Variants in TRIM33 observed in about 807,000 individuals in gnomAD.
TRIM33 encodes E3 ubiquitin-protein ligase TRIM33.
A neutral mutation model predicts 125.4 loss-of-function variants in TRIM33; 20 were observed. The observed-to-expected ratio is 0.16, with a 90% CI of 0.11 to 0.23. The LOEUF (loss-of-function observed/expected upper bound fraction) is 0.23, where lower values mean the gene tolerates loss of function less well. Ranked by LOEUF, TRIM33 falls within the 10% of genes least tolerant of loss-of-function variation. The pLI is 1.00. For synonymous variants in TRIM33, 564 were observed against 513.9 expected (o/e 1.10, Z -1.32); for missense variants, 920 against 1,411.4 (o/e 0.65, Z 5.58).
intron 4 of TRIM33, among the ~76,000 whole-genome samples, chr1:114,439,468 CAAAAAAA>C (rs59231995): frequency 4.1e-4 from 19 of 45,970 alleles, no homozygotes; most frequent in Admixed American, 2.3e-3. Context: ...GACTCTGTAT[CAAAAAAA>C]AAAAAAAAAA....
chr1:114,478,909 G>A (rs1013742065), intron 1 of TRIM33, among the ~76,000 whole-genome samples: 4 of 152,082 alleles, frequency 2.6e-5, no homozygotes, highest in Non-Finnish European at 1.5e-5. Context: ...TTAGCCAGGC[G>A]TGGTTGTGGG....
chr1:114,493,614 T>C (rs1652198701), intron 1 of TRIM33, among the ~76,000 whole-genome samples: 2 of 152,142 alleles, frequency 1.3e-5, no homozygotes, highest in African/African-American at 2.4e-5. Flanking sequence ...AACTTTTGCA[T>C]ATGGTGTGAA....
chr1:114,491,950 C>T (rs778858050), intron 1 of TRIM33, among the ~76,000 whole-genome samples: 45 of 152,284 alleles, frequency 3.0e-4, no homozygotes, highest in Non-Finnish European at 4.9e-4. Context: ...AGCAACACTA[C>T]GGGGCACTTC....
intron 1 of TRIM33, among the ~76,000 whole-genome samples, chr1:114,506,885 ATCACAGGGCACC>A (rs1217391087): frequency 1.3e-4 from 20 of 152,342 alleles, no homozygotes; most frequent in Non-Finnish European, 2.4e-4. Flanking sequence ...CAGCATCAAA[ATCACAGGGCACC>A]TGTTAAAAAT....
chr1:114,498,871 T>G (rs1281258781), intron 1 of TRIM33, among the ~76,000 whole-genome samples: 1 of 151,880 alleles, frequency 6.6e-6, no homozygotes, highest in Non-Finnish European at 1.5e-5. Context: ...TAAATGAAGA[T>G]TACAAGACTA....
At chr1:114,425,881 G>C (rs1160393672) in intron 8 of TRIM33, among the ~76,000 whole-genome samples, 158 bp from the exon 9 acceptor site, 1 of 152,194 alleles carries the variant, frequency 6.6e-6, no homozygotes, top group African/African-American at 2.4e-5. Flanking sequence ...TGATGATGAT[G>C]ATCAGAAACT....
chr1:114,468,359 A>G (rs1650432008), intron 1 of TRIM33: 1 of 302,806 alleles, frequency 3.3e-6, no homozygotes, highest in Non-Finnish European at 6.4e-6. Context: ...ATGACCAAGA[A>G]GTAAAATCAG....
intron 11 of TRIM33, among the ~76,000 whole-genome samples, chr1:114,410,693 T>A (rs1157702157): frequency 6.6e-6 from 1 of 152,080 alleles, no homozygotes; most frequent in Non-Finnish European, 1.5e-5. Context: ...AGAAATGTAA[T>A]TATGTTAGTA....
At chr1:114,505,151 T>C (rs923122412) in intron 1 of TRIM33, among the ~76,000 whole-genome samples, 28 of 152,286 alleles carry the variant, frequency 1.8e-4, no homozygotes, top group African/African-American at 6.5e-4. Context: ...TAGTAAATGG[T>C]AGAGCTCAAA....
intron 11 of TRIM33, among the ~76,000 whole-genome samples, chr1:114,418,110 G>GGGA (rs1247686818): frequency 1.3e-5 from 2 of 152,180 alleles, no homozygotes; most frequent in African/African-American, 4.8e-5. Context: ...TGCATGGCTG[G>GGGA]GGAGGCCCCA....
chr1:114,449,436 C>T (rs1185573081), intron 4 of TRIM33, among the ~76,000 whole-genome samples: 2 of 152,126 alleles, frequency 1.3e-5, no homozygotes, highest in African/African-American at 4.8e-5. Flanking sequence ...GAGTGTGGCA[C>T]TTGTGGCACT....
intron 4 of TRIM33, among the ~76,000 whole-genome samples, chr1:114,441,473 G>A (rs1367596359): frequency 6.6e-6 from 1 of 152,186 alleles, no homozygotes; most frequent in Non-Finnish European, 1.5e-5. Flanking sequence ...ATGTGATAGA[G>A]AGGACGTTAA....
chr1:114,427,933 G>GA (rs768531453), intron 6 of TRIM33, 39 bp from the exon 7 acceptor site: 12 of 1,597,608 alleles, frequency 7.5e-6, no homozygotes, highest in Middle Eastern at 1.7e-4. Context: ...AATTCCATAT[G>GA]AAAAAAAATC....
At chr1:114,445,753 T>C (rs1648935021) in intron 4 of TRIM33, among the ~76,000 whole-genome samples, 1 of 152,124 alleles carries the variant, frequency 6.6e-6, no homozygotes, top group Admixed American at 6.5e-5. Context: ...TCCAAAACAA[T>C]GGAAGCCAGA....
intron 16 of TRIM33, 102 bp from the exon 17 acceptor site, chr1:114,401,565 C>CTT: frequency 1.1e-6 from 1 of 891,864 alleles, no homozygotes; most frequent in Non-Finnish European, 1.7e-6. Context: ...TTACAACAAA[C>CTT]TGAACACAAG....
chr1:114,426,739 A>G (rs956069408), intron 8 of TRIM33, among the ~76,000 whole-genome samples: 5 of 152,164 alleles, frequency 3.3e-5, no homozygotes, highest in African/African-American at 9.7e-5. Flanking sequence ...CCATGTGAAA[A>G]GAGCTACTCT....
intron 14 of TRIM33, 140 bp downstream of exon 14, chr1:114,406,801 G>C (rs1652272414): frequency 2.6e-6 from 2 of 761,808 alleles, no homozygotes; most frequent in Non-Finnish European, 4.0e-6. Context: ...GTTAGAAAAA[G>C]AGATATCTGG....
chr1:114,472,595 T>C (rs1468424423), intron 1 of TRIM33, among the ~76,000 whole-genome samples: 2 of 152,004 alleles, frequency 1.3e-5, no homozygotes, highest in Non-Finnish European at 2.9e-5. Context: ...CCAGGCATGG[T>C]GGTACCTGCC....
At chr1:114,505,259 T>C (rs1011995094) in intron 1 of TRIM33, among the ~76,000 whole-genome samples, 2 of 152,086 alleles carry the variant, frequency 1.3e-5, no homozygotes, top group Non-Finnish European at 2.9e-5. Flanking sequence ...GTTGGTGGAG[T>C]ACCACATGAT....
Sources: allele counts gnomAD v4.1 joint callset (sites outside exome capture counted in the v4.1 genomes callset), GRCh38; gene constraint gnomAD v4.1.1; transcripts MANE v1.5; gene names NCBI Gene and HGNC (gene_info 2026-07-23, HGNC 2026-07-21).